PCDHGA10: variants seen among roughly 807,000 people sequenced by gnomAD.
PCDHGA10 encodes protocadherin gamma-A10.
PCDHGA10 carries 42 observed loss-of-function variants against 59.5 expected under a neutral mutation model. The observed-to-expected ratio is 0.71, with a 90% CI of 0.55 to 0.91. The LOEUF (loss-of-function observed/expected upper bound fraction) is 0.91, where lower values mean the gene tolerates loss of function less well. Ranked by LOEUF, PCDHGA10 falls within the 40% of genes least tolerant of loss-of-function variation. PCDHGA10 has a pLI of 0.00. For synonymous variants in PCDHGA10, 511 were observed against 517.2 expected (o/e 0.99, Z 0.16); for missense variants, 1,111 against 1,198.2 (o/e 0.93, Z 1.07).
rs762574320 is a variant in PCDHGA10, at chr5:141,485,926, G to A, written c.2437-8881G>A. The A allele has an allele frequency of 2.0e-5, 32 of 1,614,090 alleles. No individual in the cohort carries two copies. Among genetic ancestry groups the A allele is most frequent in the Admixed American group, 1.2e-4 (7 of 60,006 alleles). ...AGCAATCCAGCTACAGGATTAGTGT[G>A]TTGGAGAGCGCACCAGCGGGCATGG... On this transcript the variant is annotated intron_variant, in intron 1 of 3. Transcript: ENST00000398610. The surrounding 1 kb of genome is among the most constrained non-coding windows in gnomAD (Gnocchi z 5.7).
intron 1 of PCDHGA10, among the ~76,000 whole-genome samples, chr5:141,469,568 T>C (rs942597017): frequency 6.6e-6 from 1 of 152,184 alleles, no homozygotes. Flanking sequence ...AGTGAGACTC[T>C]GTCTCTAAAT....
intron 1 of PCDHGA10, among the ~76,000 whole-genome samples, chr5:141,484,207 A>G (rs898823095): frequency 2.6e-5 from 4 of 152,218 alleles, no homozygotes; most frequent in Non-Finnish European, 5.9e-5. Context: ...ATCTATGAAC[A>G]TTAGCATTCT....
chr5:141,450,592 T>G (rs1403924348), intron 1 of PCDHGA10, among the ~76,000 whole-genome samples: 1 of 151,838 alleles, frequency 6.6e-6, no homozygotes, highest in Non-Finnish European at 1.5e-5. Context: ...GTTCAAGCAA[T>G]TCTCCTGCCT....
chr5:141,473,925 T>C (rs1338065496), intron 1 of PCDHGA10, among the ~76,000 whole-genome samples: 1 of 152,124 alleles, frequency 6.6e-6, no homozygotes, highest in East Asian at 1.9e-4. Context: ...AACTATGAGC[T>C]GGGTGCAGTA....
intron 1 of PCDHGA10, among the ~76,000 whole-genome samples, chr5:141,446,777 CT>C (rs1480571336): frequency 6.6e-6 from 1 of 152,072 alleles, no homozygotes; most frequent in South Asian, 2.1e-4. Context: ...GGTTACCATT[CT>C]TTTACTCTGA....
intron 1 of PCDHGA10, among the ~76,000 whole-genome samples, chr5:141,459,546 C>T (rs575349914): frequency 9.9e-5 from 15 of 152,102 alleles, no homozygotes; most frequent in African/African-American, 3.6e-4. Flanking sequence ...TTTTTTATTT[C>T]TCTTGGATAA....
At position 141,414,691 on chromosome 5, in the gene PCDHGA10, T is replaced by A. The variant is rs2095777481; in HGVS notation, c.1516T>A (p.Ser506Thr). The A allele has an allele frequency of 6.2e-7, 1 of 1,613,848 alleles. No homozygotes were observed. The highest frequency in any genetic ancestry group is 1.3e-5 in the African/African-American group (1 of 74,906). ...AGACACCATCCAGGGGGTACCTCTG[T>A]CCTCATACATATCCATCAACTCAGA... ...AEDTIQGVPL[S>T]SYISINSDTG... The change falls in exon 1 of 4, where the codon TCC becomes ACC. Residue 506 changes from serine to threonine, a missense_variant. By Grantham distance (58) the Ser-to-Thr change is moderately conservative. Transcript: ENST00000398610.
chr5:141,419,415 C>A, intron 1 of PCDHGA10: 2 of 1,613,434 alleles, frequency 1.2e-6, no homozygotes, highest in Non-Finnish European at 1.7e-6. Flanking sequence ...GCGCAGCGCG[C>A]CTTCGACCAC....
Position 141,477,964 on chromosome 5 carries a change from G to T in PCDHGA10, c.2437-16843G>T, listed in dbSNP as rs2099426491. On this transcript the variant is annotated intron_variant, in intron 1 of 3. Coordinates refer to ENST00000398610, the MANE Select transcript of PCDHGA10 (RefSeq NM_018913.3). The surrounding 1 kb of genome is among the most constrained non-coding windows in gnomAD (Gnocchi z 4.9). Reference sequence around the variant, plus strand: ...ACAGTCTCTTGGGATCCCCTAACCAGAGCCTTTTTGCCATAGGGCTGCACA... The same window carrying T: ...ACAGTCTCTTGGGATCCCCTAACCATAGCCTTTTTGCCATAGGGCTGCACA... 6.2e-7 allele frequency: 1 copy of T among 1,613,978 alleles called. No homozygotes were observed. The highest frequency in any genetic ancestry group is 1.1e-5 in the South Asian group (1 of 91,080).
chr5:141,418,985 T>G, intron 1 of PCDHGA10: 1 of 1,613,882 alleles, frequency 6.2e-7, no homozygotes, highest in Non-Finnish European at 8.5e-7. Context: ...GGACCAAGAC[T>G]CAGGGGAAAA....
At chr5:141,422,473 G>A (rs2096650443) in intron 1 of PCDHGA10, 7 of 1,613,740 alleles carry the variant, frequency 4.3e-6, no homozygotes, top group Non-Finnish European at 5.1e-6. Context: ...CAGGGAGTTG[G>A]TCCAGAGCTA....
chr5:141,499,572 T>C (rs2099792782), intron 2 of PCDHGA10, among the ~76,000 whole-genome samples: 1 of 152,178 alleles, frequency 6.6e-6, no homozygotes, highest in Admixed American at 6.5e-5. Flanking sequence ...CAGCTTCAAC[T>C]AATGCCTTAT....
intron 1 of PCDHGA10, among the ~76,000 whole-genome samples, chr5:141,469,803 A>G (rs1326367314): frequency 6.6e-6 from 1 of 152,174 alleles, no homozygotes; most frequent in Non-Finnish European, 1.5e-5. Context: ...TTGCAAAAAC[A>G]TTGTAGATAG....
intron 1 of PCDHGA10, chr5:141,421,455 C>G (rs762490406): frequency 6.2e-6 from 10 of 1,614,108 alleles, no homozygotes; most frequent in South Asian, 1.1e-5. Flanking sequence ...CACAGCTTTT[C>G]GCTGTGAATC....
At position 141,476,669 on chromosome 5, in the gene PCDHGA10, C is replaced by G; in HGVS notation, c.2437-18138C>G. ...AAATGAATACTTTGCGCTTCGCGTGCAGACGCGGGAGGACAGCACCAAGTA... is the reference window on the plus strand; with the variant it reads ...AAATGAATACTTTGCGCTTCGCGTGGAGACGCGGGAGGACAGCACCAAGTA... On this transcript the variant is annotated intron_variant, in intron 1 of 3. Coordinates refer to ENST00000398610, the MANE Select transcript of PCDHGA10 (RefSeq NM_018913.3). This position sits in a 1 kb window ranked among gnomAD's most constrained non-coding sequence, Gnocchi z 7.6. 6.2e-7 allele frequency: 1 copy of G among 1,614,246 alleles called. No individual in the cohort carries two copies. The highest frequency in any genetic ancestry group is 1.1e-5 in the South Asian group (1 of 91,086).
intron 2 of PCDHGA10, among the ~76,000 whole-genome samples, chr5:141,501,333 A>ACACC (rs1186649373): frequency 5.5e-4 from 77 of 140,128 alleles, no homozygotes; most frequent in African/African-American, 6.0e-4. Context: ...ACACACACAC[A>ACACC]CCCCAAACTC....
At position 141,493,188 on chromosome 5, in the gene PCDHGA10, C is replaced by T. The variant is rs1292810486; in HGVS notation, c.2437-1619C>T. Among the ~76,000 whole-genome samples the T allele has an allele frequency of 2.6e-5, 4 of 152,216 alleles. No individual in the cohort carries two copies. Among genetic ancestry groups the T allele is most frequent in the Non-Finnish European group, 4.4e-5 (3 of 68,046 alleles). ...ATTGAGAGAAACTTACTATATAACT[C>T]CTTTGAGAACCTCATCTCATTTGCT... On this transcript the variant is annotated intron_variant, in intron 1 of 3. Coordinates refer to ENST00000398610, the MANE Select transcript of PCDHGA10 (RefSeq NM_018913.3). The surrounding 1 kb of genome is among the most constrained non-coding windows in gnomAD (Gnocchi z 4.3).
chr5:141,418,928 A>T (rs762769886), intron 1 of PCDHGA10: 1 of 1,613,978 alleles, frequency 6.2e-7, no homozygotes, highest in East Asian at 2.2e-5. Context: ...TGATCAGATT[A>T]TGGAGGATTC....
chr5:141,478,096 T>C (rs749277013), intron 1 of PCDHGA10: 1 of 1,614,074 alleles, frequency 6.2e-7, no homozygotes, highest in South Asian at 1.1e-5. Context: ...CCACCACTGC[T>C]ACCCTCACTG....
Sources: allele counts gnomAD v4.1 joint callset (sites outside exome capture counted in the v4.1 genomes callset), GRCh38; gene constraint gnomAD v4.1.1; non-coding constraint Gnocchi (gnomAD v3.1); transcripts MANE v1.5; gene names NCBI Gene and HGNC (gene_info 2026-07-23, HGNC 2026-07-21).